RYK: variants seen among roughly 807,000 people sequenced by gnomAD.
RYK encodes inactive tyrosine-protein kinase RYK.
Under a neutral mutation model 70.2 loss-of-function variants are expected in RYK, and 21 were observed. That is an observed-to-expected ratio of 0.30 (90% confidence interval 0.21 to 0.43). RYK has a LOEUF of 0.43. RYK is among the 20% of genes least tolerant of loss of function. The probability of loss-of-function intolerance (pLI) is 1.00; values close to 1 mark genes in which losing one functional copy is unlikely to be tolerated. For synonymous variants in RYK, 267 were observed against 278.0 expected (o/e 0.96, Z 0.39); for missense variants, 604 against 753.3 (o/e 0.80, Z 2.32).
chr3:134,244,031 T>C (rs2015390180), intron 1 of RYK, among the ~76,000 whole-genome samples: 1 of 152,330 alleles, frequency 6.6e-6, no homozygotes, highest in South Asian at 2.1e-4. Flanking sequence ...ATTGACTTGA[T>C]TTTAAATAAA....
At chr3:134,208,544 T>C (rs1191603666) in intron 4 of RYK, among the ~76,000 whole-genome samples, 1 of 152,226 alleles carries the variant, frequency 6.6e-6, no homozygotes, top group Non-Finnish European at 1.5e-5. Context: ...AGCTGAAAGA[T>C]GCTAACTCTT....
At chr3:134,195,728 C>G (rs1251931638) in intron 6 of RYK, among the ~76,000 whole-genome samples, 1 of 152,196 alleles carries the variant, frequency 6.6e-6, no homozygotes, top group Non-Finnish European at 1.5e-5. Context: ...GGACAGATGA[C>G]TGGAGGTCAG....
In RYK at chr3:134,250,413, C is replaced by G. The variant is rs2107702370; in HGVS notation, c.232+10G>C. On this transcript the variant is annotated intron_variant, in intron 1 of 14. Coordinates refer to ENST00000623711, the MANE Select transcript of RYK (RefSeq NM_002958.4). Reference sequence around the variant, plus strand: ...GACCTGCCCGCCCCGGCCTCGGCGGCCCCACTCACCGATCAGCCGGCGCAC... The same window carrying G: ...GACCTGCCCGCCCCGGCCTCGGCGGGCCCACTCACCGATCAGCCGGCGCAC... 7.2e-7 allele frequency: 1 copy of G among 1,386,314 alleles called. No individual in the cohort carries two copies. The highest frequency in any genetic ancestry group is 9.4e-7 in the Non-Finnish European group (1 of 1,066,898). The allele number at this position is 1,386,314 out of a possible 1,614,324, so 85.9% of individuals were successfully genotyped here.
intron 1 of RYK, among the ~76,000 whole-genome samples, chr3:134,227,681 T>A (rs975547848): frequency 6.6e-6 from 1 of 151,734 alleles, no homozygotes; most frequent in African/African-American, 2.4e-5. Flanking sequence ...CTTTTTTTAT[T>A]TTTTTTTAAG....
chr3:134,242,030 G>A (rs1213412943), intron 1 of RYK, among the ~76,000 whole-genome samples: 1 of 152,196 alleles, frequency 6.6e-6, no homozygotes, highest in Non-Finnish European at 1.5e-5. Context: ...GGCCGGGCAA[G>A]GTGGCTCACG....
At chr3:134,238,536 G>T (rs1315761871) in intron 1 of RYK, among the ~76,000 whole-genome samples, 1 of 152,126 alleles carries the variant, frequency 6.6e-6, no homozygotes, top group Non-Finnish European at 1.5e-5. Context: ...CCTGATAGGT[G>T]GTTTAGAAAT....
chr3:134,216,792 CAA>C (rs61441674), intron 2 of RYK, among the ~76,000 whole-genome samples: 12 of 37,416 alleles, frequency 3.2e-4, no homozygotes, highest in African/African-American at 1.0e-3. Context: ...GACTCTGTCT[CAA>C]AAAAAAAAAA....
intron 2 of RYK, among the ~76,000 whole-genome samples, chr3:134,215,795 T>G: frequency 6.6e-6 from 1 of 152,138 alleles, no homozygotes; most frequent in East Asian, 1.9e-4. Flanking sequence ...CCCAGCATTC[T>G]GGGAGGTCAA....
chr3:134,184,460 A>G (rs980222444), intron 9 of RYK, among the ~76,000 whole-genome samples: 1 of 152,252 alleles, frequency 6.6e-6, no homozygotes, highest in Admixed American at 6.5e-5. Flanking sequence ...GAATATTTCT[A>G]TTATAAAATT....
chr3:134,169,716 T>A (rs2108146129), intron 13 of RYK, among the ~76,000 whole-genome samples: 1 of 152,326 alleles, frequency 6.6e-6, no homozygotes, highest in South Asian at 2.1e-4. Flanking sequence ...GTAGAATTTT[T>A]AATTATGAAG....
chr3:134,246,430 C>T (rs1208177028), intron 1 of RYK, among the ~76,000 whole-genome samples: 1 of 145,668 alleles, frequency 6.9e-6, no homozygotes. Flanking sequence ...TTGAAAGGAC[C>T]CACTAAGGTA....
intron 13 of RYK, among the ~76,000 whole-genome samples, chr3:134,173,685 G>C (rs2013001337): frequency 6.6e-6 from 1 of 152,014 alleles, no homozygotes; most frequent in African/African-American, 2.4e-5. Context: ...CTTGACGTGG[G>C]GATTATGGGA....
chr3:134,183,746 A>G (rs946429013), intron 9 of RYK, among the ~76,000 whole-genome samples: 3 of 152,238 alleles, frequency 2.0e-5, no homozygotes, highest in Non-Finnish European at 2.9e-5. Flanking sequence ...GTACAATGTA[A>G]TAAGAGCACT....
At chr3:134,217,638 T>G (rs1167543523) in intron 2 of RYK, among the ~76,000 whole-genome samples, 4 of 152,188 alleles carry the variant, frequency 2.6e-5, no homozygotes, top group Admixed American at 2.6e-4. Flanking sequence ...GTATGTTAGC[T>G]GTTGAAAGAT....
chr3:134,218,944 C>T (rs2014647310), intron 2 of RYK, among the ~76,000 whole-genome samples: 2 of 152,058 alleles, frequency 1.3e-5, no homozygotes, highest in Non-Finnish European at 2.9e-5. Flanking sequence ...ACTAGGATCC[C>T]TTCTACATTT....
intron 13 of RYK, among the ~76,000 whole-genome samples, chr3:134,163,874 T>C (rs530511111): frequency 1.6e-4 from 24 of 152,350 alleles, no homozygotes; most frequent in Admixed American, 4.6e-4. Context: ...TGCAATTAAA[T>C]GAACCTGGGT....
intron 5 of RYK, among the ~76,000 whole-genome samples, chr3:134,204,079 G>C (rs996549871): frequency 5.3e-5 from 8 of 152,170 alleles, no homozygotes; most frequent in African/African-American, 1.9e-4. Context: ...AGTGACAGAA[G>C]GGTCCACAAG....
intron 2 of RYK, among the ~76,000 whole-genome samples, chr3:134,220,677 T>C (rs1401215211): frequency 6.6e-6 from 1 of 152,190 alleles, no homozygotes. Flanking sequence ...CACATATATA[T>C]GTACATATAC....
intron 1 of RYK, among the ~76,000 whole-genome samples, chr3:134,245,232 C>T (rs2015433087): frequency 6.6e-6 from 1 of 152,134 alleles, no homozygotes; most frequent in African/African-American, 2.4e-5. Flanking sequence ...CCATTAACTA[C>T]TCGTAATATT....
Sources: gnomAD v4.1 joint callset for allele counts (sites outside exome capture counted in the v4.1 genomes callset) on GRCh38, gnomAD v4.1.1 for gene constraint, MANE v1.5 for transcripts, NCBI Gene and HGNC (gene_info 2026-07-23, HGNC 2026-07-21) for gene names.